EBF1: variants seen among roughly 807,000 people sequenced by gnomAD.
EBF1 encodes the protein transcription factor COE1.
In EBF1, 10 loss-of-function variants were observed where a neutral mutation model predicts 68.4. That is an observed-to-expected ratio of 0.15 (90% CI 0.09 to 0.25). The LOEUF is 0.25. EBF1 is among the 10% of genes least tolerant of loss of function. The pLI is 1.00. For missense variants in EBF1, 509 were observed against 794.4 expected (o/e 0.64, Z 4.32); for synonymous variants, 298 against 299.8 (o/e 0.99, Z 0.06).
intron 11 of EBF1, among the ~76,000 whole-genome samples, chr5:158,721,623 A>G (rs1581311519): frequency 6.6e-6 from 1 of 152,244 alleles, no homozygotes; most frequent in East Asian, 1.9e-4. Context: ...TGGTGCCTCA[A>G]TTACTGTCCC....
rs56093637 is a variant in EBF1, at chr5:159,047,534, C to T, written c.554+25862G>A. 6.2e-3 allele frequency among the ~76,000 whole-genome samples: 945 copies of T among 152,080 alleles called. 10 individuals are homozygous for T. The highest frequency in any genetic ancestry group is 0.022 in the African/African-American group (902 of 41,476). On this transcript the variant is annotated intron_variant, in intron 6 of 15. Coordinates refer to ENST00000313708, the MANE Select transcript of EBF1 (RefSeq NM_024007.5). The stretch of plus-strand genomic sequence containing the variant: ...ATGGCTGACAGAGATGGGGGAGGGG[C>T]AACAGCAAGGATGACTCCTCGGTTC...
chr5:159,086,804 G>A (rs1264639122), intron 4 of EBF1, among the ~76,000 whole-genome samples: 1 of 152,050 alleles, frequency 6.6e-6, no homozygotes, highest in Admixed American at 6.6e-5. Context: ...TCCAGATTGT[G>A]TTAATATCTT....
intron 5 of EBF1, among the ~76,000 whole-genome samples, chr5:159,080,211 C>T (rs1779505376): frequency 6.6e-6 from 1 of 152,170 alleles, no homozygotes; most frequent in Non-Finnish European, 1.5e-5. Flanking sequence ...AACAGACGTG[C>T]CCAAACACTT....
At position 158,699,047 on chromosome 5, in the gene EBF1, A is replaced by C; in HGVS notation, c.*64T>G. On this transcript the variant is annotated 3_prime_UTR_variant, in exon 16 of 16. Transcript: ENST00000313708. ...TTAAAAGTTCCACTCTGGGACTTGTATCAGATTACTCTCTGTAGCAGAATC... is the reference window on the plus strand; with the variant it reads ...TTAAAAGTTCCACTCTGGGACTTGTCTCAGATTACTCTCTGTAGCAGAATC... The C allele has an allele frequency of 6.8e-7, 1 of 1,469,724 alleles. No homozygotes were observed. The allele number at this position is 1,469,724 out of a possible 1,614,324, so 91.0% of individuals were successfully genotyped here.
intron 5 of EBF1, among the ~76,000 whole-genome samples, chr5:159,078,843 C>A (rs1329117216): frequency 6.6e-6 from 1 of 152,180 alleles, no homozygotes; most frequent in African/African-American, 2.4e-5. Context: ...GAGTCTCTTT[C>A]TTACCAGCCT....
intron 10 of EBF1, among the ~76,000 whole-genome samples, chr5:158,766,773 G>T (rs1772761875): frequency 6.6e-6 from 1 of 152,098 alleles, no homozygotes; most frequent in African/African-American, 2.4e-5. Context: ...ACTAACAGAG[G>T]AAATGTGTAG....
rs73297973 is a variant in EBF1, at chr5:158,831,284, C to T, written c.637-7967G>A. On this transcript the variant is annotated intron_variant, in intron 7 of 15. Coordinates refer to ENST00000313708, the MANE Select transcript of EBF1 (RefSeq NM_024007.5). Reference sequence around the variant, plus strand: ...AAGAAAATGGCATATTGGTCAATGGCTCAGATTCCAGAGTCAGATGATCCT... The same window carrying T: ...AAGAAAATGGCATATTGGTCAATGGTTCAGATTCCAGAGTCAGATGATCCT... 1.4e-3 allele frequency among the ~76,000 whole-genome samples: 218 copies of T among 152,262 alleles called. 2 individuals are homozygous for T. The highest frequency in any genetic ancestry group is 5.0e-3 in the African/African-American group (206 of 41,546).
chr5:158,751,160 C>A (rs1406812909), intron 10 of EBF1, among the ~76,000 whole-genome samples: 1 of 152,016 alleles, frequency 6.6e-6, no homozygotes, highest in African/African-American at 2.4e-5. Context: ...ATACAAAAAT[C>A]TTTTTAGTGG....
Position 158,713,078 on chromosome 5 carries a change from G to T in EBF1, c.1261C>A (p.Leu421Ile). ...ACCGAGGTGTTAGCAAGGGCCGGGA[G>T]TTGGTTGTGGTTGCGGGGAACACTG... is the stretch of plus-strand genomic sequence containing the variant. ...LYSVPRNHNQ[L>I]PALANTSVHA... The change falls in exon 13 of 16, where the codon CTC becomes ATC. Residue 421 changes from leucine (L) to isoleucine (I), a missense_variant. Coordinates refer to ENST00000313708, the MANE Select transcript of EBF1 (RefSeq NM_024007.5). 1 of 1,599,580 alleles carries T rather than the reference G, an allele frequency of 6.3e-7. No individual in the cohort carries two copies. The highest frequency in any genetic ancestry group is 8.5e-7 in the Non-Finnish European group (1 of 1,171,840).
rs539077605 is a variant in EBF1, at chr5:158,881,019, A to G, written c.555-40909T>C. On this transcript the variant is annotated intron_variant, in intron 6 of 15. Coordinates refer to ENST00000313708, the MANE Select transcript of EBF1 (RefSeq NM_024007.5). ...AGACTGCAAAGAAGAAGAAGAGGGGAAAAAAAAACACAGTAAAGAGAGGAA... is the reference window on the plus strand; with the variant it reads ...AGACTGCAAAGAAGAAGAAGAGGGGGAAAAAAAACACAGTAAAGAGAGGAA... Among the ~76,000 whole-genome samples, 50 of 151,098 alleles carry G rather than the reference A, an allele frequency of 3.3e-4. 1 individual carries two copies. Among genetic ancestry groups the G allele is most frequent in the African/African-American group, 1.0e-3 (42 of 40,854 alleles).
intron 10 of EBF1, among the ~76,000 whole-genome samples, chr5:158,761,010 A>C (rs1301978389): frequency 1.3e-5 from 2 of 152,218 alleles, no homozygotes; most frequent in Non-Finnish European, 2.9e-5. Context: ...GCCAAAGAAA[A>C]GTTTAACATA....
intron 6 of EBF1, among the ~76,000 whole-genome samples, chr5:158,962,074 T>C (rs1818284008): frequency 6.6e-6 from 1 of 152,212 alleles, no homozygotes; most frequent in African/African-American, 2.4e-5. Context: ...GTCACAGATT[T>C]GGACTGCTAT....
intron 9 of EBF1, among the ~76,000 whole-genome samples, chr5:158,780,543 T>C (rs965463891): frequency 8.5e-5 from 13 of 152,212 alleles, no homozygotes; most frequent in Non-Finnish European, 1.6e-4. Flanking sequence ...AAGAAAACTT[T>C]ATGTCACTAC....
intron 10 of EBF1, among the ~76,000 whole-genome samples, chr5:158,767,956 CG>C (rs1489780663): frequency 1.3e-5 from 2 of 152,024 alleles, no homozygotes; most frequent in African/African-American, 4.8e-5. Flanking sequence ...AAGTACAGCA[CG>C]TGGTGGGTCC....
chr5:158,790,155 C>G (rs769468095), intron 9 of EBF1, among the ~76,000 whole-genome samples: 49 of 152,144 alleles, frequency 3.2e-4, no homozygotes, highest in Non-Finnish European at 6.8e-4. Flanking sequence ...GCTTCACACA[C>G]GAGGAAACTT....
rs1758762627 is a variant in EBF1, at chr5:158,709,798, C to A, written c.1550-1625G>T. On this transcript the variant is annotated intron_variant, in intron 14 of 15. Coordinates refer to ENST00000313708, the MANE Select transcript of EBF1 (RefSeq NM_024007.5). The stretch of plus-strand genomic sequence containing the variant: ...TGTGAAAATACGCTCAATAATAACA[C>A]CCATTTAAATTGCAAAACTCCTGCA... Among the ~76,000 whole-genome samples, 3 of 152,304 alleles carry A rather than the reference C, an allele frequency of 2.0e-5. No individual in the cohort carries two copies. In the South Asian group the frequency reaches 6.2e-4, roughly 32 times the overall value.
At chr5:158,886,877 G>A (rs961395298) in intron 6 of EBF1, among the ~76,000 whole-genome samples, 9 of 152,170 alleles carry the variant, frequency 5.9e-5, no homozygotes, top group Admixed American at 2.0e-4. Flanking sequence ...CGGCGGGCAC[G>A]TGTAATCCCA....
At chr5:159,064,777 G>A (rs190952036) in intron 6 of EBF1, among the ~76,000 whole-genome samples, 9 of 152,010 alleles carry the variant, frequency 5.9e-5, no homozygotes, top group Admixed American at 2.6e-4. Context: ...ACAAGACTGT[G>A]TAGAGAAACA....
At chr5:158,722,786 C>A (rs1762204350) in intron 11 of EBF1, among the ~76,000 whole-genome samples, 1 of 152,158 alleles carries the variant, frequency 6.6e-6, no homozygotes, top group African/African-American at 2.4e-5. Flanking sequence ...TACTCTAATG[C>A]TCCACTGAAG....
Sources: gnomAD v4.1 joint callset for allele counts (sites outside exome capture counted in the v4.1 genomes callset) on GRCh38, gnomAD v4.1.1 for gene constraint, MANE v1.5 for transcripts, NCBI Gene and HGNC (gene_info 2026-07-23, HGNC 2026-07-21) for gene names.